Variants in NFE2L2 observed in about 807,000 individuals in gnomAD.
NFE2L2 encodes nuclear factor erythroid 2-related factor 2.
A neutral mutation model predicts 49.6 loss-of-function variants in NFE2L2; 20 were observed. The observed-to-expected ratio is 0.40, with a 90% CI of 0.28 to 0.59. The LOEUF (loss-of-function observed/expected upper bound fraction) is 0.59. NFE2L2 is among the 20% of genes least tolerant of loss of function. NFE2L2 has a pLI of 0.40. For synonymous variants in NFE2L2, 244 were observed against 256.5 expected (o/e 0.95, Z 0.47); for missense variants, 578 against 714.2 (o/e 0.81, Z 2.17).
intron 1 of NFE2L2, chr2:177,263,713 T>G (rs1690830155): frequency 1.0e-6 from 1 of 985,124 alleles, no homozygotes; most frequent in South Asian, 4.7e-5. Flanking sequence ...GGCCTCAGAG[T>G]CCACTGCCCT....
chr2:177,239,380 A>C (rs1371529800), intron 1 of NFE2L2, among the ~76,000 whole-genome samples: 1 of 152,178 alleles, frequency 6.6e-6, no homozygotes, highest in African/African-American at 2.4e-5. Flanking sequence ...TGTATTTTTA[A>C]GTTTATATTT....
At chr2:177,253,244 G>A (rs1690404485) in intron 1 of NFE2L2, among the ~76,000 whole-genome samples, 1 of 152,218 alleles carries the variant, frequency 6.6e-6, no homozygotes, top group African/African-American at 2.4e-5. Flanking sequence ...CATCTGCACT[G>A]TCACAGCATT....
intron 1 of NFE2L2, among the ~76,000 whole-genome samples, chr2:177,248,882 A>T (rs1435026444): frequency 3.3e-5 from 5 of 152,066 alleles, no homozygotes; most frequent in Non-Finnish European, 7.4e-5. Context: ...CCAGCATTAC[A>T]TTATCAAGCG....
At chr2:177,233,719 T>A (rs563475627) in intron 2 of NFE2L2, 13 of 535,484 alleles carry the variant, frequency 2.4e-5, no homozygotes, top group South Asian at 4.8e-5. Context: ...TGCTACTACT[T>A]CTGTTGCTGC....
chr2:177,230,545 C>T lies in NFE2L2; in HGVS notation c.*240G>A. ...TAAATAAGTTTTTGTAGTATTTACA[C>T]TTACACAGAAACTAGCCCAAATGGT... is the stretch of plus-strand genomic sequence containing the variant. On this transcript the variant is annotated 3_prime_UTR_variant, in exon 5 of 5. Coordinates refer to ENST00000397062, the MANE Select transcript of NFE2L2 (RefSeq NM_006164.5). The T allele has an allele frequency of 2.3e-6, 1 of 432,086 alleles. No homozygotes were observed. The highest frequency in any genetic ancestry group is 4.0e-5 in the Admixed American group (1 of 24,964). 26.8% of individuals were successfully genotyped at this position (432,086 alleles called of 1,614,324 possible).
At chr2:177,258,488 T>C (rs1016062343) in intron 1 of NFE2L2, among the ~76,000 whole-genome samples, 1 of 152,100 alleles carries the variant, frequency 6.6e-6, no homozygotes, top group Non-Finnish European at 1.5e-5. Context: ...TGGGGTTTCT[T>C]TTGAGGGTGT....
At chr2:177,260,360 C>A (rs1477235151) in intron 1 of NFE2L2, among the ~76,000 whole-genome samples, 1 of 152,200 alleles carries the variant, frequency 6.6e-6, no homozygotes, top group Admixed American at 6.5e-5. Flanking sequence ...TTAGGCAAAT[C>A]ATCCATCAGA....
chr2:177,242,411 A>C (rs898178205), intron 1 of NFE2L2, among the ~76,000 whole-genome samples: 4 of 152,248 alleles, frequency 2.6e-5, no homozygotes, highest in Admixed American at 2.6e-4. Context: ...TTTTAACAGC[A>C]TAAAAAAGCC....
In NFE2L2 at chr2:177,240,597, C is replaced by T. The variant is rs943347708; in HGVS notation, c.46-6326G>A. 5.9e-5 allele frequency among the ~76,000 whole-genome samples: 9 copies of T among 152,312 alleles called. No individual in the cohort carries two copies. In the East Asian group the frequency reaches 1.7e-3, roughly 29 times the overall value. The stretch of plus-strand genomic sequence containing the variant: ...TGGACAATTCATGTTAAATCACCAT[C>T]TGGCCTAACAGAAATATTCATGTTT... On this transcript the variant is annotated intron_variant, in intron 1 of 4. Transcript: ENST00000397062.
chr2:177,230,898 G>A lies in NFE2L2; in HGVS notation c.1705C>T (p.Arg569Cys), dbSNP rs750553272. 24 of 1,613,894 alleles carry A rather than the reference G, an allele frequency of 1.5e-5. No homozygotes were observed. Among genetic ancestry groups the A allele is most frequent in the East Asian group, 8.9e-5 (4 of 44,880 alleles). ...TLYLEVFSML[R>C]DEDGKPYSPS... ...GAATAAGGTTTTCCATCTTCATCAC[G>A]TAGCATGCTGAAAACTTCGAGATAT... Residue 569 changes from arginine (R) to cysteine (C), a missense_variant, in exon 5 of 5, where the codon CGT becomes TGT. Arg to Cys is a radical substitution (Grantham distance 180). Around this residue, in one of 3 missense-constraint regions of NFE2L2, gnomAD observed 117 missense variants for 175.8 expected, o/e 0.67. Transcript: ENST00000397062.
chr2:177,264,605 C>A lies in NFE2L2; in HGVS notation c.-29G>T. 3.4e-6 allele frequency: 5 copies of A among 1,449,396 alleles called. No individual in the cohort carries two copies. The highest frequency in any genetic ancestry group is 4.6e-6 in the Non-Finnish European group (5 of 1,092,242). The allele number at this position is 1,449,396 out of a possible 1,614,324, so 89.8% of individuals were successfully genotyped here. ...GAGCTGTGGACCGTGTGTTGGGGCT[C>A]CCCGACGGCGGCCCTGTTCCGGCTG... On this transcript the variant is annotated 5_prime_UTR_variant, in exon 1 of 5. Transcript: ENST00000397062.
chr2:177,238,251 A>G (rs1430685814), intron 1 of NFE2L2, among the ~76,000 whole-genome samples: 1 of 152,208 alleles, frequency 6.6e-6, no homozygotes, highest in African/African-American at 2.4e-5. Flanking sequence ...TTTTCATGCA[A>G]CTGAAGCAAT....
At chr2:177,248,466 A>G (rs1342799322) in intron 1 of NFE2L2, among the ~76,000 whole-genome samples, 1 of 152,062 alleles carries the variant, frequency 6.6e-6, no homozygotes, top group Non-Finnish European at 1.5e-5. Context: ...CTGGAGTGCA[A>G]TGGCGTGATC....
In NFE2L2 at chr2:177,233,071, A is replaced by G. The variant is rs530541079; in HGVS notation, c.402+179T>C. The G allele has an allele frequency of 1.8e-4, 102 of 571,328 alleles. No individual in the cohort carries two copies. The African/African-American group carries it at 1.9e-3, about 11-fold the overall frequency. 35.4% of individuals were successfully genotyped at this position (571,328 alleles called of 1,614,324 possible). A position where few individuals can be genotyped will look rare whatever the true frequency, so the allele number is the denominator to read the frequency against. ...AAGGGTTTTTTTTTTTCTTAATTGT[A>G]AAGTTATTTATAGGCTAAGGTTTCC... On this transcript the variant is annotated intron_variant, in intron 3 of 4. Transcript: ENST00000397062.
At chr2:177,257,813 A>C (rs1690582954) in intron 1 of NFE2L2, among the ~76,000 whole-genome samples, 1 of 152,228 alleles carries the variant, frequency 6.6e-6, no homozygotes, top group Non-Finnish European at 1.5e-5. Context: ...CTGAGTATGC[A>C]AGGGATGTAG....
intron 1 of NFE2L2, among the ~76,000 whole-genome samples, chr2:177,237,506 T>C (rs1420624248): frequency 6.6e-6 from 1 of 152,104 alleles, no homozygotes. Context: ...TTCAAAGGTA[T>C]AGAGAAACCT....
At chr2:177,251,647 A>C (rs1690342617) in intron 1 of NFE2L2, among the ~76,000 whole-genome samples, 1 of 152,160 alleles carries the variant, frequency 6.6e-6, no homozygotes, top group Non-Finnish European at 1.5e-5. Context: ...AAGGACAAGA[A>C]GACCAAGGAG....
chr2:177,241,792 T>C (rs1689947231), intron 1 of NFE2L2, among the ~76,000 whole-genome samples: 5 of 152,194 alleles, frequency 3.3e-5, no homozygotes, highest in African/African-American at 7.2e-5. Context: ...GAGATGAAGG[T>C]TGCAGTGAGC....
rs1475512564 is a variant in NFE2L2 at position 177,232,451 on chromosome 2, C to T, written c.535G>A (p.Gly179Ser). 13 of 1,613,926 alleles carry T rather than the reference C, an allele frequency of 8.1e-6. No homozygotes were observed. In the Admixed American group the frequency reaches 1.7e-4, roughly 21 times the overall value. The change falls in exon 4 of 5, where the codon GGT becomes AGT. Residue 179 changes from glycine (G) to serine (S), a missense_variant. Coordinates refer to ENST00000397062, the MANE Select transcript of NFE2L2 (RefSeq NM_006164.5). ...VAQVAPVDLD[G>S]MQQDIEQVWE... ...ACTTGCTCAATGTCCTGTTGCATAC[C>T]GTCTAAATCAACAGGGGCTACCTGA...
Sources: allele counts gnomAD v4.1 joint callset (sites outside exome capture counted in the v4.1 genomes callset), GRCh38; gene constraint gnomAD v4.1.1; regional missense constraint gnomAD v4.1.1; transcripts MANE v1.5; gene names NCBI Gene and HGNC (gene_info 2026-07-23, HGNC 2026-07-21).